Variants in TMEM178B observed in about 807,000 individuals in gnomAD.
TMEM178B encodes the protein transmembrane protein 178B.
Under a neutral mutation model 31.0 loss-of-function variants are expected in TMEM178B, and 5 were observed. The ratio of observed to expected loss-of-function variants is 0.16; its 90% confidence interval spans 0.08 to 0.34. The LOEUF is 0.34. Among genes scored for constraint, TMEM178B ranks in the 10% least tolerant of loss-of-function variants. The pLI is 1.00. For synonymous variants in TMEM178B, 164 were observed against 164.0 expected (o/e 1.00, Z 0.00); for missense variants, 275 against 400.3 (o/e 0.69, Z 2.67).
chr7:141,109,457 A>T (rs1795200146), intron 1 of TMEM178B, among the ~76,000 whole-genome samples: 1 of 152,166 alleles, frequency 6.6e-6, no homozygotes, highest in Non-Finnish European at 1.5e-5. Context: ...GGCAATGACA[A>T]AGCTTTTGGA....
chr7:141,187,678 T>C (rs1041139925), intron 1 of TMEM178B, among the ~76,000 whole-genome samples: 8 of 152,250 alleles, frequency 5.3e-5, no homozygotes, highest in Non-Finnish European at 1.0e-4. Context: ...TGATTTGCAT[T>C]TCTCTGATGG....
intron 2 of TMEM178B, among the ~76,000 whole-genome samples, chr7:141,303,997 A>G (rs1798770755): frequency 6.6e-6 from 1 of 152,202 alleles, no homozygotes; most frequent in Non-Finnish European, 1.5e-5. Context: ...GCCAGCAAAT[A>G]GTAGAAACCA....
chr7:141,404,230 A>G (rs1480973699), intron 2 of TMEM178B, among the ~76,000 whole-genome samples: 1 of 152,218 alleles, frequency 6.6e-6, no homozygotes, highest in Non-Finnish European at 1.5e-5. Flanking sequence ...GCGTGAACCC[A>G]GGAAGCGGAG....
intron 2 of TMEM178B, among the ~76,000 whole-genome samples, chr7:141,252,427 C>A (rs1447202878): frequency 6.6e-6 from 1 of 152,150 alleles, no homozygotes; most frequent in African/African-American, 2.4e-5. Flanking sequence ...ACGAGGGAGG[C>A]ATGTGAAATT....
intron 1 of TMEM178B, among the ~76,000 whole-genome samples, chr7:141,138,189 A>G (rs1254239809): frequency 1.3e-5 from 2 of 151,722 alleles, no homozygotes; most frequent in African/African-American, 4.8e-5. Flanking sequence ...AGCCTCCCGA[A>G]TAGCTGGGAC....
chr7:141,447,380 A>G (rs1695976353), intron 3 of TMEM178B, among the ~76,000 whole-genome samples: 1 of 151,920 alleles, frequency 6.6e-6, no homozygotes, highest in Non-Finnish European at 1.5e-5. Flanking sequence ...AGCAGCAAGG[A>G]GAAGGGGCCT....
At chr7:141,305,537 C>T (rs1203233743) in intron 2 of TMEM178B, among the ~76,000 whole-genome samples, 1 of 152,086 alleles carries the variant, frequency 6.6e-6, no homozygotes, top group Non-Finnish European at 1.5e-5. Flanking sequence ...AAGCAATTCT[C>T]CTGCCTCAGC....
At chr7:141,492,604 C>T in the TMEM178B span, among the ~76,000 whole-genome samples, 23 of 152,260 alleles carry the variant, frequency 1.5e-4, no homozygotes, top group South Asian at 2.1e-4. Context: ...GGCGAGTTTC[C>T]GTAACAGGAC....
intron 3 of TMEM178B, among the ~76,000 whole-genome samples, chr7:141,454,976 G>A (rs1801937417): frequency 6.6e-6 from 1 of 151,914 alleles, no homozygotes; most frequent in Admixed American, 6.6e-5. Context: ...GAGGGCTTGG[G>A]GGAGGGCCTG....
rs553755088 is a variant in TMEM178B, at chr7:141,404,861, G to A, written c.497-32747G>A. On this transcript the variant is annotated intron_variant, in intron 2 of 3. Coordinates refer to ENST00000565468, the MANE Select transcript of TMEM178B (RefSeq NM_001195278.2). The stretch of plus-strand genomic sequence containing the variant: ...GTGACACAGCTCAAACTGAGATCCA[G>A]GTATCCTGATGTCTTGTCCAGCGCT... Among the ~76,000 whole-genome samples, 9 of 152,276 alleles carry A rather than the reference G, an allele frequency of 5.9e-5. No individual in the cohort carries two copies. In the South Asian group the frequency reaches 1.0e-3, roughly 18 times the overall value.
At chr7:141,372,233 A>G (rs1800130785) in intron 2 of TMEM178B, among the ~76,000 whole-genome samples, 1 of 152,138 alleles carries the variant, frequency 6.6e-6, no homozygotes, top group African/African-American at 2.4e-5. Context: ...CACTTGACCT[A>G]TTAGCATCAT....
chr7:141,389,009 T>C (rs1381370380), intron 2 of TMEM178B, among the ~76,000 whole-genome samples: 3 of 152,236 alleles, frequency 2.0e-5, no homozygotes, highest in Admixed American at 6.5e-5. Context: ...TAGCTTTTCC[T>C]AGGTTCCAAA....
chr7:141,317,279 TAAGG>T (rs1472655460), intron 2 of TMEM178B, among the ~76,000 whole-genome samples: 4 of 152,086 alleles, frequency 2.6e-5, no homozygotes, highest in African/African-American at 9.7e-5. Flanking sequence ...ACTTTTTTCT[TAAGG>T]AAGAGAGTGG....
chr7:141,360,771 T>G (rs955437176), intron 2 of TMEM178B, among the ~76,000 whole-genome samples: 3 of 152,246 alleles, frequency 2.0e-5, no homozygotes, highest in Non-Finnish European at 4.4e-5. Flanking sequence ...GTGTTTTAAC[T>G]GTGATTTCCA....
intron 1 of TMEM178B, among the ~76,000 whole-genome samples, chr7:141,093,572 G>A (rs1288196213): frequency 6.6e-6 from 1 of 152,176 alleles, no homozygotes; most frequent in Non-Finnish European, 1.5e-5. Flanking sequence ...GACTGAAAGA[G>A]ATCACCTAGA....
intron 2 of TMEM178B, among the ~76,000 whole-genome samples, chr7:141,302,612 A>G (rs1434255357): frequency 1.3e-5 from 2 of 152,178 alleles, no homozygotes; most frequent in Non-Finnish European, 2.9e-5. Flanking sequence ...ACTCAATGCT[A>G]CTGAACTGTA....
intron 2 of TMEM178B, among the ~76,000 whole-genome samples, chr7:141,377,281 T>G (rs1024524718): frequency 6.6e-5 from 10 of 151,836 alleles, no homozygotes; most frequent in Non-Finnish European, 1.0e-4. Context: ...CCTCCCGGGT[T>G]CAAGTGATTC....
intron 1 of TMEM178B, among the ~76,000 whole-genome samples, chr7:141,130,308 A>T (rs1490499607): frequency 6.6e-6 from 1 of 152,206 alleles, no homozygotes; most frequent in Non-Finnish European, 1.5e-5. Context: ...CAGTTAAATA[A>T]AACTCATCTG....
At chr7:141,115,138 G>T (rs1374293048) in intron 1 of TMEM178B, among the ~76,000 whole-genome samples, 2 of 152,134 alleles carry the variant, frequency 1.3e-5, no homozygotes, top group Non-Finnish European at 2.9e-5. Flanking sequence ...CGCCTCCTGG[G>T]TTCAAGTGAT....
Sources: allele counts gnomAD v4.1 joint callset (sites outside exome capture counted in the v4.1 genomes callset), GRCh38; gene constraint gnomAD v4.1.1; transcripts MANE v1.5; gene names NCBI Gene and HGNC (gene_info 2026-07-23, HGNC 2026-07-21).